The following TBC1D2 variants were observed in gnomAD, a reference collection of about 807,000 sequenced individuals.
The protein encoded by TBC1D2 is TBC1 domain family member 2, also known as TBC1 domain family member 2A.
TBC1D2 carries 58 observed loss-of-function variants against 91.1 expected under a neutral mutation model. The ratio of observed to expected loss-of-function variants is 0.64; its 90% CI spans 0.52 to 0.79. TBC1D2 has a LOEUF of 0.79. Ranked by LOEUF, TBC1D2 falls within the 30% of genes least tolerant of loss-of-function variation. The pLI, the probability that TBC1D2 is intolerant of heterozygous loss-of-function variation, is 0.00. For missense variants in TBC1D2, 1,080 were observed against 1,208.3 expected, an observed-to-expected ratio of 0.89 and a Z score of 1.57; for synonymous variants, 482 against 511.5, an observed-to-expected ratio of 0.94 and a Z score of 0.78.
At position 98,255,616 on chromosome 9, in the gene TBC1D2, G is replaced by T; in HGVS notation, c.-75C>A. On this transcript the variant is annotated 5_prime_UTR_variant, in exon 1 of 13. Transcript: ENST00000465784. Reference sequence around the variant, plus strand: ...GGGACAAATCTCGGAGACTCGGCGGGCAGCTTCCCAAAGGGAGACACCTGG... The same window carrying T: ...GGGACAAATCTCGGAGACTCGGCGGTCAGCTTCCCAAAGGGAGACACCTGG... 1 of 1,408,806 alleles carries T rather than the reference G, an allele frequency of 7.1e-7. No homozygotes were observed. The highest frequency in any genetic ancestry group is 9.2e-7 in the Non-Finnish European group (1 of 1,085,260). 87.3% of individuals were successfully genotyped at this position (1,408,806 alleles called of 1,614,324 possible).
At chr9:98,235,375 A>G in intron 3 of TBC1D2, 1 of 458,964 alleles carries the variant, frequency 2.2e-6, no homozygotes, top group Non-Finnish European at 4.3e-6. Flanking sequence ...AGTTACAAGG[A>G]ATTCCAGTGC....
chr9:98,231,687 T>C (rs114655069), intron 4 of TBC1D2, among the ~76,000 whole-genome samples: 2,624 of 152,342 alleles, frequency 0.017, 73 homozygotes, highest in African/African-American at 0.06. Context: ...GATTTTGTTC[T>C]GTCACTCACT....
intron 9 of TBC1D2, among the ~76,000 whole-genome samples, chr9:98,205,429 CTTATTTT>C (rs1334325895): frequency 6.6e-6 from 1 of 152,236 alleles, no homozygotes; most frequent in Non-Finnish European, 1.5e-5. Context: ...GAGCACTGTA[CTTATTTT>C]CATAGGTTTA....
At chr9:98,248,265 G>A (rs759684077) in intron 2 of TBC1D2, among the ~76,000 whole-genome samples, 4 of 152,262 alleles carry the variant, frequency 2.6e-5, no homozygotes, top group African/African-American at 4.8e-5. Context: ...AGGCACGGGC[G>A]GCACAGGATG....
intron 8 of TBC1D2, 83 bp downstream of exon 8, chr9:98,210,573 G>T: frequency 2.2e-6 from 3 of 1,353,194 alleles, no homozygotes; most frequent in Non-Finnish European, 3.0e-6. Context: ...ACTTGTACAT[G>T]GTTGGCAGGA....
At chr9:98,205,686 C>A (rs947535296) in intron 9 of TBC1D2, among the ~76,000 whole-genome samples, 4 of 151,974 alleles carry the variant, frequency 2.6e-5, no homozygotes, top group African/African-American at 9.7e-5. Flanking sequence ...CATGTGCCAC[C>A]ACACTTGGCT....
intron 4 of TBC1D2, among the ~76,000 whole-genome samples, chr9:98,230,062 C>A (rs930695226): frequency 2.0e-5 from 3 of 152,190 alleles, no homozygotes; most frequent in Non-Finnish European, 2.9e-5. Flanking sequence ...TGCCCTGACC[C>A]AGCTGTGCTT....
At chr9:98,242,454 A>G (rs995405858) in intron 3 of TBC1D2, among the ~76,000 whole-genome samples, 1 of 151,842 alleles carries the variant, frequency 6.6e-6, no homozygotes, top group Non-Finnish European at 1.5e-5. Flanking sequence ...AAAAAAAAAA[A>G]AAAGAAAAGA....
At chr9:98,235,311 A>T in intron 3 of TBC1D2, 1 of 405,300 alleles carries the variant, frequency 2.5e-6, no homozygotes, top group African/African-American at 2.1e-5. Context: ...GATGGTGCAG[A>T]TCGTGAGAAG....
At chr9:98,248,875 G>A (rs764655807) in intron 2 of TBC1D2, among the ~76,000 whole-genome samples, 13 of 152,202 alleles carry the variant, frequency 8.5e-5, no homozygotes, top group Non-Finnish European at 1.9e-4. Context: ...TGCGGAGACC[G>A]TTGTTTAGGT....
intron 2 of TBC1D2, among the ~76,000 whole-genome samples, chr9:98,247,895 C>G (rs948806728): frequency 2.0e-5 from 3 of 152,114 alleles, no homozygotes; most frequent in Non-Finnish European, 4.4e-5. Flanking sequence ...ACCAAAAAAA[C>G]TTAACAGTTT....
At chr9:98,201,731 C>G in intron 10 of TBC1D2, 67 bp from the exon 11 acceptor site, 3 of 1,488,004 alleles carry the variant, frequency 2.0e-6, no homozygotes, top group Middle Eastern at 4.3e-4. Flanking sequence ...CCCTGCCCAG[C>G]CTTCCTACCC....
chr9:98,244,455 T>C (rs1302247745), intron 2 of TBC1D2, among the ~76,000 whole-genome samples: 1 of 151,796 alleles, frequency 6.6e-6, no homozygotes, highest in Non-Finnish European at 1.5e-5. Context: ...GGTGGGGAGT[T>C]AAGAAACCAG....
Position 98,200,168 on chromosome 9 carries a change from A to G in TBC1D2, c.2579+85T>C, listed in dbSNP as rs1302646455. The G allele has an allele frequency of 5.8e-6, 9 of 1,561,580 alleles. No homozygotes were observed. The African/African-American group carries it at 8.1e-5, about 14-fold the overall frequency. On this transcript the variant is annotated intron_variant, in intron 12 of 12. Coordinates refer to ENST00000465784, the MANE Select transcript of TBC1D2 (RefSeq NM_001267571.2). ...GCATCAGCGTCACTTACCAATCTCT[A>G]CTTGGCAAACATCAGCCTCCCCTCT...
intron 3 of TBC1D2, among the ~76,000 whole-genome samples, chr9:98,240,552 C>T (rs1221205112): frequency 6.6e-6 from 1 of 152,188 alleles, no homozygotes; most frequent in African/African-American, 2.4e-5. Context: ...TCACAAACCA[C>T]AAGTCACATG....
At position 98,228,399 on chromosome 9, in the gene TBC1D2, T is replaced by C. The variant is rs767968760; in HGVS notation, c.978+553A>G. On this transcript the variant is annotated intron_variant, in intron 5 of 12. Coordinates refer to ENST00000465784, the MANE Select transcript of TBC1D2 (RefSeq NM_001267571.2). The surrounding 1 kb of genome is among the most constrained non-coding windows in gnomAD (Gnocchi z 4.0). ...TATGAGATCTGTTTTCTACAATTAT[T>C]ATATAGCTCTTGTAACTCTCGTAAT... Among the ~76,000 whole-genome samples, 41 of 152,236 alleles carry C rather than the reference T, an allele frequency of 2.7e-4. No individual in the cohort carries two copies. Among genetic ancestry groups the C allele is most frequent in the Middle Eastern group, 3.2e-3 (1 of 316 alleles).
At chr9:98,225,946 A>G (rs1829223168) in intron 5 of TBC1D2, among the ~76,000 whole-genome samples, 1 of 152,238 alleles carries the variant, frequency 6.6e-6, no homozygotes, top group Admixed American at 6.5e-5. Context: ...AGTTTGAGGT[A>G]GACAGGAGGT....
chr9:98,245,011 C>G (rs542366460), intron 2 of TBC1D2, among the ~76,000 whole-genome samples: 2 of 150,890 alleles, frequency 1.3e-5, no homozygotes, highest in South Asian at 4.2e-4. Context: ...GAGGCTGAGG[C>G]AGGCAGATCA....
intron 6 of TBC1D2, among the ~76,000 whole-genome samples, chr9:98,213,832 C>T (rs1828908983): frequency 6.6e-6 from 1 of 152,072 alleles, no homozygotes; most frequent in Non-Finnish European, 1.5e-5. Context: ...GGGGTGTTTG[C>T]AGTTGGTTTT....
Sources: allele counts gnomAD v4.1 joint callset (sites outside exome capture counted in the v4.1 genomes callset), GRCh38; gene constraint gnomAD v4.1.1; non-coding constraint Gnocchi (gnomAD v3.1); transcripts MANE v1.5; gene names NCBI Gene and HGNC (gene_info 2026-07-23, HGNC 2026-07-21).